Variants in OXR1 observed in about 807,000 individuals in gnomAD.
OXR1 encodes oxidation resistance protein 1.
OXR1 carries 41 observed loss-of-function variants against 104.6 expected under a neutral mutation model. The ratio of observed to expected loss-of-function variants is 0.39; its 90% CI spans 0.31 to 0.51. The LOEUF (loss-of-function observed/expected upper bound fraction) is 0.51. Ranked by LOEUF, OXR1 falls within the 20% of genes least tolerant of loss-of-function variation. OXR1 has a pLI of 0.77. For missense variants in OXR1, 955 were observed against 1,031.9 expected, an observed-to-expected ratio of 0.93 and a Z score of 1.02; for synonymous variants, 348 against 348.4, an observed-to-expected ratio of 1.00 and a Z score of 0.01.
chr8:106,390,505 G>A (rs1817550648), intron 2 of OXR1, among the ~76,000 whole-genome samples: 1 of 152,150 alleles, frequency 6.6e-6, no homozygotes, highest in Non-Finnish European at 1.5e-5. Flanking sequence ...TATGCATAAG[G>A]AAACTGAGAT....
intron 11 of OXR1, 130 bp downstream of exon 11, chr8:106,714,115 G>T (rs568935963): frequency 1.6e-6 from 1 of 615,916 alleles, no homozygotes; most frequent in African/African-American, 2.0e-5. Context: ...TTCACTATCC[G>T]TGTTTATTTG....
chr8:106,650,318 G>T (rs555585952), intron 3 of OXR1, among the ~76,000 whole-genome samples: 7 of 152,222 alleles, frequency 4.6e-5, no homozygotes, highest in African/African-American at 1.4e-4. Flanking sequence ...TACGCTGCTA[G>T]TAAGTGGCAA....
chr8:106,393,376 G>A (rs1413445646), intron 2 of OXR1, among the ~76,000 whole-genome samples: 1 of 152,082 alleles, frequency 6.6e-6, no homozygotes, highest in Non-Finnish European at 1.5e-5. Context: ...ACAGTAACGA[G>A]TCATAATCTA....
chr8:106,710,732 C>T lies in OXR1; in HGVS notation c.1735C>T (p.Gln579Ter). Residue 579 changes from glutamine to a stop codon, truncating the protein, a stop_gained, in exon 10 of 17, where the codon CAA (glutamine) becomes TAA (stop). Coordinates refer to ENST00000517566, the MANE Select transcript of OXR1 (RefSeq NM_001198533.2). LOFTEE classifies it high-confidence loss of function. ...TGTATCTCAAGCAAGTGCTACAATG[C>T]AACAGTATGCACAGAGAGATAAGAA... Reference protein sequence around the residue: ...TFVSQASATMQQYAQRDKKHE... With the variant: ...TFVSQASATM 1 of 1,600,106 alleles carries T rather than the reference C, an allele frequency of 6.2e-7. No homozygotes were observed. Among genetic ancestry groups the T allele is most frequent in the Non-Finnish European group, 8.5e-7 (1 of 1,172,518 alleles).
intron 3 of OXR1, among the ~76,000 whole-genome samples, chr8:106,543,860 T>C (rs1815144783): frequency 6.6e-6 from 1 of 152,190 alleles, no homozygotes; most frequent in Non-Finnish European, 1.5e-5. Context: ...ATGTCACAAA[T>C]GGAGGAAAGG....
chr8:106,690,198 A>G (rs36011510), intron 6 of OXR1, among the ~76,000 whole-genome samples: 18,549 of 150,506 alleles, frequency 0.12, 1,443 homozygotes, highest in East Asian at 0.34. Context: ...TATGTGATAT[A>G]TAACTTATAT....
chr8:106,703,149 T>C, intron 8 of OXR1, 59 bp downstream of exon 8: 1 of 1,095,634 alleles, frequency 9.1e-7, no homozygotes, highest in Non-Finnish European at 1.3e-6. Flanking sequence ...TTGACCCTTG[T>C]CTAATACCTT....
chr8:106,546,786 T>C (rs1191444345), intron 3 of OXR1, among the ~76,000 whole-genome samples: 1 of 152,258 alleles, frequency 6.6e-6, no homozygotes, highest in Non-Finnish European at 1.5e-5. Context: ...AGCAGTTGCT[T>C]GCGTGACTCA....
intron 2 of OXR1, among the ~76,000 whole-genome samples, chr8:106,450,950 A>G (rs575828315): frequency 5.3e-5 from 8 of 152,264 alleles, no homozygotes; most frequent in African/African-American, 1.9e-4. Flanking sequence ...TCTGTAAAGC[A>G]GCAAACTGTG....
chr8:106,690,589 T>C (rs997054754), intron 6 of OXR1, among the ~76,000 whole-genome samples: 7 of 151,506 alleles, frequency 4.6e-5, no homozygotes, highest in Admixed American at 2.0e-4. Flanking sequence ...TTTTTTTTTT[T>C]CCTAGATTCC....
chr8:106,391,728 G>C (rs551653707), intron 2 of OXR1, among the ~76,000 whole-genome samples: 2 of 151,382 alleles, frequency 1.3e-5, no homozygotes, highest in Non-Finnish European at 2.9e-5. Flanking sequence ...ATCTCTTTTT[G>C]TTGTTGTTGT....
chr8:106,318,758 G>A (rs1266620751), intron 1 of OXR1, among the ~76,000 whole-genome samples: 2 of 152,106 alleles, frequency 1.3e-5, no homozygotes, highest in African/African-American at 2.4e-5. Context: ...ATTATTATAA[G>A]ATACTTGCTT....
chr8:106,591,106 C>T (rs1202555580), intron 3 of OXR1, among the ~76,000 whole-genome samples: 1 of 151,262 alleles, frequency 6.6e-6, no homozygotes, highest in African/African-American at 2.4e-5. Context: ...ACTATGCAGC[C>T]ATAAAAAAGG....
intron 3 of OXR1, among the ~76,000 whole-genome samples, chr8:106,523,724 C>T (rs1813428580): frequency 6.6e-6 from 1 of 151,746 alleles, no homozygotes; most frequent in African/African-American, 2.4e-5. Flanking sequence ...GAATAAAAAA[C>T]ATTAACTTAG....
chr8:106,725,496 G>A (rs551302863), intron 11 of OXR1, among the ~76,000 whole-genome samples: 1 of 152,160 alleles, frequency 6.6e-6, no homozygotes, highest in South Asian at 2.1e-4. Context: ...TCACTTCTTT[G>A]CTTATATTCA....
At chr8:106,603,771 G>A (rs985849441) in intron 3 of OXR1, among the ~76,000 whole-genome samples, 8 of 152,106 alleles carry the variant, frequency 5.3e-5, no homozygotes, top group African/African-American at 1.7e-4. Flanking sequence ...TCAAGAACAG[G>A]GCCGGGCACA....
At chr8:106,498,630 G>A (rs1025093709) in intron 2 of OXR1, among the ~76,000 whole-genome samples, 7 of 152,052 alleles carry the variant, frequency 4.6e-5, no homozygotes, top group African/African-American at 1.7e-4. Flanking sequence ...CACATGTTAA[G>A]CTGTGTGTGT....
chr8:106,699,282 C>T (rs571242772), intron 7 of OXR1, among the ~76,000 whole-genome samples: 4 of 152,188 alleles, frequency 2.6e-5, no homozygotes, highest in African/African-American at 4.8e-5. Flanking sequence ...TGGATAGCTG[C>T]GATACATGTA....
intron 2 of OXR1, among the ~76,000 whole-genome samples, chr8:106,504,725 T>C (rs1812042674): frequency 6.6e-6 from 1 of 152,230 alleles, no homozygotes; most frequent in Non-Finnish European, 1.5e-5. Flanking sequence ...TCTTTGATGA[T>C]GATTGACTAA....
Sources: allele counts gnomAD v4.1 joint callset (sites outside exome capture counted in the v4.1 genomes callset), GRCh38; gene constraint gnomAD v4.1.1; transcripts MANE v1.5; gene names NCBI Gene and HGNC (gene_info 2026-07-23, HGNC 2026-07-21).